The following MDGA2 variants were observed in gnomAD, a reference collection of about 807,000 sequenced individuals.
MDGA2 encodes MAM domain-containing glycosylphosphatidylinositol anchor protein 2.
A neutral mutation model predicts 117.8 loss-of-function variants in MDGA2; 40 were observed. That is an observed-to-expected ratio of 0.34 (90% CI 0.26 to 0.44). The LOEUF (loss-of-function observed/expected upper bound fraction) is 0.44, where lower values mean the gene tolerates loss of function less well. Among genes scored for constraint, MDGA2 ranks in the 20% least tolerant of loss-of-function variants. The probability of loss-of-function intolerance (pLI) is 1.00; values close to 1 mark genes in which losing one functional copy is unlikely to be tolerated. For missense variants in MDGA2, 1,123 were observed against 1,250.6 expected (o/e 0.90, Z 1.54); for synonymous variants, 452 against 439.0 (o/e 1.03, Z -0.37).
At chr14:47,175,231 C>A (rs1213221286) in intron 3 of MDGA2, among the ~76,000 whole-genome samples, 1 of 151,624 alleles carries the variant, frequency 6.6e-6, no homozygotes, top group East Asian at 1.9e-4. Context: ...CAAGGAGGAA[C>A]TGGTACCATT....
chr14:46,913,023 C>T (rs1233155128), intron 10 of MDGA2, among the ~76,000 whole-genome samples: 1 of 152,098 alleles, frequency 6.6e-6, no homozygotes, highest in African/African-American at 2.4e-5. Flanking sequence ...CATTCTCTCT[C>T]ATCTCTATAT....
rs116488830 is a variant in MDGA2, at chr14:46,898,057, A to T, written c.2239-15836T>A. Among the ~76,000 whole-genome samples the T allele has an allele frequency of 3.7e-3, 558 of 152,182 alleles. 2 individuals carry two copies. The highest frequency in any genetic ancestry group is 0.012 in the African/African-American group (513 of 41,572). ...CATACAATGGAAAAATTGCATAAAAATGTAAAAATATGAAAAATAAAAATA... is the reference window on the plus strand; with the variant it reads ...CATACAATGGAAAAATTGCATAAAATTGTAAAAATATGAAAAATAAAAATA... On this transcript the variant is annotated intron_variant, in intron 10 of 16. Coordinates refer to ENST00000399232, the MANE Select transcript of MDGA2 (RefSeq NM_001113498.3).
intron 6 of MDGA2, among the ~76,000 whole-genome samples, chr14:47,080,758 C>G (rs1483616049): frequency 6.6e-6 from 1 of 152,110 alleles, no homozygotes; most frequent in African/African-American, 2.4e-5. Context: ...CATTCTTTGT[C>G]CCATTGCTAT....
chr14:47,231,080 T>C (rs1219662559), intron 2 of MDGA2, among the ~76,000 whole-genome samples: 1 of 152,056 alleles, frequency 6.6e-6, no homozygotes, highest in Non-Finnish European at 1.5e-5. Context: ...GCAGTAAATA[T>C]ATTGTAGTCT....
chr14:47,261,230 A>T (rs1040633818), intron 2 of MDGA2, among the ~76,000 whole-genome samples: 2 of 152,116 alleles, frequency 1.3e-5, no homozygotes, highest in African/African-American at 2.4e-5. Context: ...TTAAAATTCA[A>T]GCCTTCAGAT....
Position 47,359,763 on chromosome 14 carries a change from A to AG in MDGA2, c.281-58214_281-58213insC, listed in dbSNP as rs1460908674. ...AAGACTGTCTCAAAAAAAAAAAAAA[A>AG]AAAGAAAAGAAAAAAAAACATGATG... On this transcript the variant is annotated intron_variant, in intron 1 of 16. Coordinates refer to ENST00000399232, the MANE Select transcript of MDGA2 (RefSeq NM_001113498.3). Among the ~76,000 whole-genome samples the AG allele has an allele frequency of 2.0e-5, 3 of 150,812 alleles. No homozygotes were observed. The Admixed American group carries it at 2.0e-4, about 10-fold the overall frequency.
At chr14:47,233,399 G>A (rs890099853) in intron 2 of MDGA2, among the ~76,000 whole-genome samples, 3 of 152,014 alleles carry the variant, frequency 2.0e-5, no homozygotes, top group Admixed American at 1.3e-4. Context: ...AGATTTGGTC[G>A]TCTCTCCTTA....
chr14:46,991,961 G>A (rs1887108159), intron 8 of MDGA2, among the ~76,000 whole-genome samples: 1 of 152,090 alleles, frequency 6.6e-6, no homozygotes, highest in Admixed American at 6.6e-5. Context: ...TTAGCATTTT[G>A]TCATGGACTC....
chr14:47,290,805 AAC>A (rs922459573), intron 2 of MDGA2, among the ~76,000 whole-genome samples: 4 of 151,910 alleles, frequency 2.6e-5, no homozygotes, highest in Admixed American at 2.6e-4. Flanking sequence ...AAAAAAAAAA[AAC>A]ACAATATAAG....
At chr14:47,284,502 G>A (rs1594772526) in intron 2 of MDGA2, among the ~76,000 whole-genome samples, 1 of 152,096 alleles carries the variant, frequency 6.6e-6, no homozygotes, top group East Asian at 1.9e-4. Flanking sequence ...AGGTAAGATG[G>A]CCTTCAGGTA....
chr14:47,384,066 G>C (rs892376470), intron 1 of MDGA2, among the ~76,000 whole-genome samples: 1 of 151,816 alleles, frequency 6.6e-6, no homozygotes, highest in Admixed American at 6.6e-5. Context: ...ATTCCATATT[G>C]GTTAGTAACT....
At chr14:46,994,371 C>T (rs927334347) in intron 8 of MDGA2, among the ~76,000 whole-genome samples, 27 of 152,258 alleles carry the variant, frequency 1.8e-4, no homozygotes, top group African/African-American at 5.3e-4. Flanking sequence ...TCAAACCTAA[C>T]AGTGACCTTC....
intron 3 of MDGA2, among the ~76,000 whole-genome samples, chr14:47,186,269 A>G (rs1176855658): frequency 1.3e-5 from 2 of 151,740 alleles, no homozygotes; most frequent in African/African-American, 4.8e-5. Flanking sequence ...AATGTAATGC[A>G]ATGATTACAT....
chr14:47,000,229 G>GTAA (rs1269538643), intron 8 of MDGA2, among the ~76,000 whole-genome samples: 2 of 148,588 alleles, frequency 1.3e-5, no homozygotes, highest in Admixed American at 6.8e-5. Flanking sequence ...AATACACAAG[G>GTAA]AATTTAAAGG....
intron 1 of MDGA2, among the ~76,000 whole-genome samples, chr14:47,392,118 T>C (rs924202617): frequency 1.3e-5 from 2 of 151,918 alleles, no homozygotes; most frequent in African/African-American, 2.4e-5. Context: ...GCGCATCAAA[T>C]GGAAGGCGTA....
At chr14:47,481,361 T>C (rs1393396445) in intron 1 of MDGA2, among the ~76,000 whole-genome samples, 1 of 151,974 alleles carries the variant, frequency 6.6e-6, no homozygotes, top group East Asian at 1.9e-4. Flanking sequence ...TTACGGGAAA[T>C]GAAATTTGCA....
At chr14:46,975,488 T>C (rs913321312) in intron 8 of MDGA2, among the ~76,000 whole-genome samples, 1 of 152,132 alleles carries the variant, frequency 6.6e-6, no homozygotes, top group Admixed American at 6.6e-5. Flanking sequence ...GGTCTATGCA[T>C]ACAATAGAAT....
chr14:47,391,812 T>A (rs1241046098), intron 1 of MDGA2, among the ~76,000 whole-genome samples: 1 of 152,206 alleles, frequency 6.6e-6, no homozygotes, highest in African/African-American at 2.4e-5. Context: ...TTCTCTTTGG[T>A]GAGCTTTGGT....
intron 1 of MDGA2, among the ~76,000 whole-genome samples, chr14:47,605,435 A>C (rs1896724983): frequency 6.6e-6 from 1 of 152,226 alleles, no homozygotes; most frequent in South Asian, 2.1e-4. Context: ...ATGTATAGAC[A>C]CACGGGAATG....
Sources: allele counts gnomAD v4.1 joint callset (sites outside exome capture counted in the v4.1 genomes callset), GRCh38; gene constraint gnomAD v4.1.1; transcripts MANE v1.5; gene names NCBI Gene and HGNC (gene_info 2026-07-23, HGNC 2026-07-21).